The following GABRG3 variants were observed in gnomAD, a reference collection of about 807,000 sequenced individuals.
The protein encoded by GABRG3 is gamma-aminobutyric acid receptor subunit gamma-3.
A neutral mutation model predicts 48.8 loss-of-function variants in GABRG3; 25 were observed. The ratio of observed to expected loss-of-function variants is 0.51; its 90% CI spans 0.37 to 0.72. The LOEUF (loss-of-function observed/expected upper bound fraction) is 0.72, where lower values mean the gene tolerates loss of function less well. Among genes scored for constraint, GABRG3 ranks in the 30% least tolerant of loss-of-function variants. GABRG3 has a pLI of 0.00. For synonymous variants in GABRG3, 227 were observed against 217.6 expected, an observed-to-expected ratio of 1.04 and a Z score of -0.38; for missense variants, 394 against 577.9, an observed-to-expected ratio of 0.68 and a Z score of 3.26.
At chr15:27,036,654 C>T (rs57842234) in intron 3 of GABRG3, among the ~76,000 whole-genome samples, 2,512 of 152,188 alleles carry the variant, frequency 0.017, 54 homozygotes, top group African/African-American at 0.057. Flanking sequence ...TGCACCATTA[C>T]GCTGCAGGCT....
chr15:27,433,262 C>T (rs1197543883), intron 5 of GABRG3, among the ~76,000 whole-genome samples: 3 of 152,222 alleles, frequency 2.0e-5, no homozygotes, highest in Non-Finnish European at 4.4e-5. Context: ...TAACAAACTA[C>T]CAAAAACTTA....
intron 3 of GABRG3, among the ~76,000 whole-genome samples, chr15:27,134,760 A>T (rs907697017): frequency 6.6e-6 from 1 of 152,202 alleles, no homozygotes; most frequent in African/African-American, 2.4e-5. Context: ...CAGAGGTACT[A>T]TGCGATCATT....
In GABRG3 at chr15:27,307,171, CATA is replaced by C. The variant is rs1371216575; in HGVS notation, c.271-19634_271-19632del. The stretch of plus-strand genomic sequence containing the variant: ...ATAAACATATAAAAACATGTTTATA[CATA>C]ATATATAAACATGTTTATATTATAA... On this transcript the variant is annotated intron_variant, in intron 3 of 9. Coordinates refer to ENST00000615808, the MANE Select transcript of GABRG3 (RefSeq NM_033223.5). Among the ~76,000 whole-genome samples, 5 of 134,962 alleles carry C rather than the reference CATA, an allele frequency of 3.7e-5. No individual in the cohort carries two copies. The South Asian group carries it at 1.2e-3, about 32-fold the overall frequency. 88.5% of individuals were successfully genotyped at this position (134,962 alleles called of 152,430 possible).
At chr15:27,115,684 C>T (rs1897628998) in intron 3 of GABRG3, among the ~76,000 whole-genome samples, 1 of 152,208 alleles carries the variant, frequency 6.6e-6, no homozygotes, top group Non-Finnish European at 1.5e-5. Context: ...GTCCTCCCAA[C>T]ATACCTTTGA....
chr15:26,992,923 A>G (rs112460420), intron 2 of GABRG3, among the ~76,000 whole-genome samples: 6 of 152,054 alleles, frequency 3.9e-5, no homozygotes, highest in African/African-American at 1.2e-4. Context: ...GGATTTCTTC[A>G]TGGTTCAATC....
intron 3 of GABRG3, among the ~76,000 whole-genome samples, chr15:27,074,344 A>G (rs529649226): frequency 1.3e-5 from 2 of 150,834 alleles, no homozygotes; most frequent in East Asian, 3.9e-4. Context: ...GAGCCCCAAG[A>G]GAGAGAGTGT....
chr15:27,206,185 C>T (rs1595584858), intron 3 of GABRG3, among the ~76,000 whole-genome samples: 1 of 152,144 alleles, frequency 6.6e-6, no homozygotes, highest in South Asian at 2.1e-4. Context: ...TTGATGTGCA[C>T]ATTTAGCACT....
At chr15:27,019,641 A>T (rs1440622738) in intron 2 of GABRG3, among the ~76,000 whole-genome samples, 1 of 152,134 alleles carries the variant, frequency 6.6e-6, no homozygotes, top group African/African-American at 2.4e-5. Flanking sequence ...AAGGTTGGTG[A>T]TGGGGTGTAG....
intron 7 of GABRG3, 43 bp from the exon 8 acceptor site, chr15:27,527,390 C>G: frequency 6.4e-7 from 1 of 1,572,940 alleles, no homozygotes. Flanking sequence ...ATTCCTGTTG[C>G]GTGTTGCACC....
intron 5 of GABRG3, among the ~76,000 whole-genome samples, chr15:27,439,409 A>G (rs1243738418): frequency 1.3e-5 from 2 of 152,220 alleles, no homozygotes; most frequent in Admixed American, 1.3e-4. Context: ...TAGATAATAC[A>G]CTGTTTGAAA....
intron 5 of GABRG3, among the ~76,000 whole-genome samples, chr15:27,336,200 A>G (rs76648147): frequency 0.03 from 4,356 of 143,084 alleles, 161 homozygotes; most frequent in African/African-American, 0.096. Context: ...AAAAGAAAGA[A>G]AGAAAGAAAG....
chr15:27,101,842 T>TAA (rs55887752), intron 3 of GABRG3, among the ~76,000 whole-genome samples: 17,856 of 72,168 alleles, frequency 0.25, 2,266 homozygotes, highest in African/African-American at 0.36. Context: ...GCTGATGAGC[T>TAA]AAAAAAAAAA....
chr15:27,334,261 T>G (rs536414139), intron 5 of GABRG3, among the ~76,000 whole-genome samples: 51 of 152,304 alleles, frequency 3.3e-4, no homozygotes, highest in African/African-American at 1.2e-3. Flanking sequence ...TTATTTTTTC[T>G]AAAGAGAGGT....
At chr15:27,144,410 T>G (rs1345729101) in intron 3 of GABRG3, among the ~76,000 whole-genome samples, 5 of 152,170 alleles carry the variant, frequency 3.3e-5, no homozygotes, top group Non-Finnish European at 7.3e-5. Flanking sequence ...TGTCTGGTAG[T>G]TCTCAGGAAA....
intron 3 of GABRG3, among the ~76,000 whole-genome samples, chr15:27,167,607 C>A (rs1887422164): frequency 6.6e-6 from 1 of 152,112 alleles, no homozygotes; most frequent in Non-Finnish European, 1.5e-5. Context: ...AAAAATGAGA[C>A]CCCTCTCAAG....
intron 3 of GABRG3, among the ~76,000 whole-genome samples, chr15:27,205,692 A>C (rs1465991154): frequency 1.3e-5 from 2 of 150,994 alleles, no homozygotes; most frequent in Non-Finnish European, 3.0e-5. Context: ...CATTTGGGCC[A>C]GGGCTTTTCC....
chr15:26,980,714 A>G (rs2140637956), intron 2 of GABRG3, among the ~76,000 whole-genome samples: 1 of 149,912 alleles, frequency 6.7e-6, no homozygotes, highest in Non-Finnish European at 1.5e-5. Context: ...AAGAACTTAG[A>G]TTCTTTTATT....
chr15:27,401,653 C>G (rs1566824885), intron 5 of GABRG3, among the ~76,000 whole-genome samples: 1 of 152,194 alleles, frequency 6.6e-6, no homozygotes, highest in African/African-American at 2.4e-5. Context: ...CACGTCTTGA[C>G]CTTCTTCCAT....
intron 6 of GABRG3, 42 bp downstream of exon 6, chr15:27,480,829 G>A (rs754822558): frequency 1.9e-6 from 3 of 1,608,696 alleles, no homozygotes; most frequent in Non-Finnish European, 2.5e-6. Flanking sequence ...AAAAGCCAGA[G>A]AGGCCTAAGG....
Sources: gnomAD v4.1 joint callset for allele counts (sites outside exome capture counted in the v4.1 genomes callset) on GRCh38, gnomAD v4.1.1 for gene constraint, MANE v1.5 for transcripts, NCBI Gene and HGNC (gene_info 2026-07-23, HGNC 2026-07-21) for gene names.